RNF144A: variants seen among roughly 807,000 people sequenced by gnomAD.
RNF144A encodes the protein ring finger protein 144A.
Under a neutral mutation model 38.7 loss-of-function variants are expected in RNF144A, and 11 were observed. That is an observed-to-expected ratio of 0.28 (90% CI 0.18 to 0.47). The LOEUF is 0.47. RNF144A is among the 20% of genes least tolerant of loss of function. The pLI is 0.99. For synonymous variants in RNF144A, 149 were observed against 143.9 expected (o/e 1.04, Z -0.25); for missense variants, 316 against 377.2 (o/e 0.84, Z 1.34).
rs184875639 is a variant in RNF144A, at chr2:6,920,598, C to T, written c.-212+2976C>T. Among the ~76,000 whole-genome samples the T allele has an allele frequency of 2.4e-3, 366 of 152,270 alleles. 9 individuals are homozygous for T. The highest frequency in any genetic ancestry group is 0.023 in the Admixed American group (355 of 15,296). On this transcript the variant is annotated intron_variant, in intron 1 of 8. Transcript: ENST00000320892. ...CAGGATGTGGGATCTCAGAGGCAGC[C>T]CAGAGGCGGGGAATGGAATGGAGTG...
At chr2:6,983,179 A>T (rs915205932) in intron 2 of RNF144A, among the ~76,000 whole-genome samples, 9 of 152,148 alleles carry the variant, frequency 5.9e-5, no homozygotes, top group Admixed American at 1.3e-4. Context: ...AGGAGGACAT[A>T]GTGTTTGCAA....
At chr2:7,067,774 TCTAC>T (rs1327969814) in intron 6 of RNF144A, among the ~76,000 whole-genome samples, 1 of 152,210 alleles carries the variant, frequency 6.6e-6, no homozygotes, top group East Asian at 1.9e-4. Flanking sequence ...TTCTCCTATG[TCTAC>T]CTGTGTACTT....
At chr2:7,021,386 C>T (rs539768202) in intron 6 of RNF144A, among the ~76,000 whole-genome samples, 1 of 152,268 alleles carries the variant, frequency 6.6e-6, no homozygotes, top group African/African-American at 2.4e-5. Flanking sequence ...CCTGTGCGCC[C>T]CTTTTCCCAT....
rs181041280 is a variant in RNF144A at position 6,991,776 on chromosome 2, A to G, written c.-11-5140A>G. 2.8e-3 allele frequency among the ~76,000 whole-genome samples: 433 copies of G among 152,294 alleles called. 3 individuals carry two copies. The highest frequency in any genetic ancestry group is 1.0e-2 in the African/African-American group (415 of 41,558). The stretch of plus-strand genomic sequence containing the variant: ...GTCTCTCTCTCTCATACATACATAT[A>G]TAATATATATACACACACACATACA... On this transcript the variant is annotated intron_variant, in intron 2 of 8. Transcript: ENST00000320892.
At chr2:6,918,868 G>A (rs1435582545) in intron 1 of RNF144A, among the ~76,000 whole-genome samples, 9 of 151,756 alleles carry the variant, frequency 5.9e-5, no homozygotes, top group Non-Finnish European at 8.8e-5. Flanking sequence ...AGGCCCCAGG[G>A]AACTATCCCC....
At chr2:7,011,055 A>C (rs190662438) in intron 3 of RNF144A, among the ~76,000 whole-genome samples, 1 of 152,248 alleles carries the variant, frequency 6.6e-6, no homozygotes, top group Non-Finnish European at 1.5e-5. Flanking sequence ...TAAAGTACAT[A>C]CAATTCCTTG....
intron 2 of RNF144A, among the ~76,000 whole-genome samples, chr2:6,994,616 G>A (rs975026641): frequency 2.0e-5 from 3 of 152,138 alleles, no homozygotes; most frequent in Non-Finnish European, 4.4e-5. Flanking sequence ...CCAGAGAGCC[G>A]TGTGACGCCT....
chr2:7,059,734 A>G (rs1393922499), intron 6 of RNF144A, among the ~76,000 whole-genome samples: 1 of 152,238 alleles, frequency 6.6e-6, no homozygotes, highest in Non-Finnish European at 1.5e-5. Flanking sequence ...ACAGATGCTG[A>G]GCACTGAGAA....
chr2:6,983,096 G>T (rs904917641), intron 2 of RNF144A, among the ~76,000 whole-genome samples: 1 of 152,188 alleles, frequency 6.6e-6, no homozygotes, highest in Non-Finnish European at 1.5e-5. Flanking sequence ...GTATTTGCTG[G>T]CCTCTCCCAT....
chr2:7,011,981 C>T lies in RNF144A; in HGVS notation c.136-2473C>T, dbSNP rs1670847949. Among the ~76,000 whole-genome samples, 3 of 152,196 alleles carry T rather than the reference C, an allele frequency of 2.0e-5. No homozygotes were observed. In the South Asian group the frequency reaches 6.2e-4, roughly 31 times the overall value. ...AGCTTTGAAACCCAGACATGACTCACTACTTGTTGCATATGGGTGTACGCT... is the reference window on the plus strand; with the variant it reads ...AGCTTTGAAACCCAGACATGACTCATTACTTGTTGCATATGGGTGTACGCT... On this transcript the variant is annotated intron_variant, in intron 3 of 8. Transcript: ENST00000320892.
chr2:7,073,493 G>A, the RNF144A span, among the ~76,000 whole-genome samples: 1 of 152,170 alleles, frequency 6.6e-6, no homozygotes, highest in Non-Finnish European at 1.5e-5. Context: ...AAAGTCCTAA[G>A]GAATGGGTAA....
At chr2:7,052,838 AACACAC>A (rs10670138) in intron 6 of RNF144A, among the ~76,000 whole-genome samples, 2 of 149,988 alleles carry the variant, frequency 1.3e-5, no homozygotes, top group East Asian at 2.0e-4. Flanking sequence ...CCCCCTTTCC[AACACAC>A]ACACACACAC....
At position 6,974,446 on chromosome 2, in the gene RNF144A, T is replaced by C. The variant is rs564462569; in HGVS notation, c.-11-22470T>C. Among the ~76,000 whole-genome samples the C allele has an allele frequency of 7.9e-5, 12 of 152,318 alleles. No homozygotes were observed. In the South Asian group the frequency reaches 2.5e-3, roughly 32 times the overall value. On this transcript the variant is annotated intron_variant, in intron 2 of 8. Transcript: ENST00000320892. ...TGTACCAAATGGGAGATAATAATACTACCTCACTAAGCTATTGTAAGATTA... is the reference window on the plus strand; with the variant it reads ...TGTACCAAATGGGAGATAATAATACCACCTCACTAAGCTATTGTAAGATTA...
chr2:7,034,506 C>T (rs568400594), intron 8 of RNF144A, among the ~76,000 whole-genome samples: 1 of 152,286 alleles, frequency 6.6e-6, no homozygotes, highest in East Asian at 1.9e-4. Context: ...TTCAGGCTTC[C>T]GGCATCTCCC....
rs568808859 is a variant in RNF144A, at chr2:6,941,809, T to C, written c.-12+662T>C. Among the ~76,000 whole-genome samples, 17 of 152,336 alleles carry C rather than the reference T, an allele frequency of 1.1e-4. No individual in the cohort carries two copies. The highest frequency in any genetic ancestry group is 4.1e-4 in the African/African-American group (17 of 41,570). ...CCACTTAGCATCTGGGCAAGAGCGCTGTAGACAGAAGGGCTGGTGGCTGCA... is the reference window on the plus strand; with the variant it reads ...CCACTTAGCATCTGGGCAAGAGCGCCGTAGACAGAAGGGCTGGTGGCTGCA... On this transcript the variant is annotated intron_variant, in intron 2 of 8. Coordinates refer to ENST00000320892, the MANE Select transcript of RNF144A (RefSeq NM_014746.6). This position sits in a 1 kb window ranked among gnomAD's most constrained non-coding sequence, Gnocchi z 6.5.
intron 5 of RNF144A, among the ~76,000 whole-genome samples, chr2:7,019,495 A>G (rs1390308042): frequency 1.3e-5 from 2 of 152,196 alleles, no homozygotes; most frequent in Non-Finnish European, 2.9e-5. Context: ...TCTGAAACTC[A>G]GTTGTCCTGA....
At chr2:7,033,998 G>C (rs950861297) in intron 8 of RNF144A, among the ~76,000 whole-genome samples, 1 of 152,146 alleles carries the variant, frequency 6.6e-6, no homozygotes, top group African/African-American at 2.4e-5. Flanking sequence ...GGGAGCAAAG[G>C]GTTGCTGTGT....
chr2:6,936,844 A>AGTGTGTGTATGTGT (rs71402824), intron 1 of RNF144A, among the ~76,000 whole-genome samples: 2 of 144,092 alleles, frequency 1.4e-5, no homozygotes, highest in African/African-American at 5.1e-5. Context: ...CACACACAGT[A>AGTGTGTGTATGTGT]GTGTGTGTGT....
intron 3 of RNF144A, among the ~76,000 whole-genome samples, chr2:7,012,612 C>CCGCA (rs1670889686): frequency 6.6e-6 from 1 of 152,246 alleles, no homozygotes; most frequent in Non-Finnish European, 1.5e-5. Flanking sequence ...CTCTAGTAGT[C>CCGCA]CGCAGCGCCA....
Sources: gnomAD v4.1 joint callset for allele counts (sites outside exome capture counted in the v4.1 genomes callset) on GRCh38, gnomAD v4.1.1 for gene constraint, Gnocchi (gnomAD v3.1) non-coding constraint, MANE v1.5 for transcripts, NCBI Gene and HGNC (gene_info 2026-07-23, HGNC 2026-07-21) for gene names.